CERS3: variants seen among roughly 807,000 people sequenced by gnomAD.
CERS3 encodes ceramide synthase 3, also known as LAG1 homolog, ceramide synthase 3.
Under a neutral mutation model 50.3 loss-of-function variants are expected in CERS3, and 33 were observed. That is an observed-to-expected ratio of 0.66 (90% CI 0.50 to 0.88). CERS3 has a LOEUF of 0.88. Among genes scored for constraint, CERS3 ranks in the 40% least tolerant of loss-of-function variants. CERS3 has a pLI of 0.00. For synonymous variants in CERS3, 176 were observed against 155.2 expected, an observed-to-expected ratio of 1.13 and a Z score of -0.99; for missense variants, 470 against 460.3, an observed-to-expected ratio of 1.02 and a Z score of -0.19.
chr15:100,449,911 T>G (rs1040441291), intron 11 of CERS3, among the ~76,000 whole-genome samples: 10 of 151,838 alleles, frequency 6.6e-5, no homozygotes, highest in African/African-American at 2.4e-4. Flanking sequence ...ACTTAAGATA[T>G]CCCTGAAAAA....
chr15:100,470,662 G>C (rs2034939248), intron 9 of CERS3, among the ~76,000 whole-genome samples: 1 of 152,192 alleles, frequency 6.6e-6, no homozygotes, highest in Non-Finnish European at 1.5e-5. Flanking sequence ...AACATACACA[G>C]AACATATTCT....
At chr15:100,527,187 C>T (rs555342972) in intron 1 of CERS3, among the ~76,000 whole-genome samples, 2 of 152,234 alleles carry the variant, frequency 1.3e-5, no homozygotes, top group South Asian at 2.1e-4. Flanking sequence ...CTCCCAGCTA[C>T]TTGGGAGGCT....
chr15:100,480,621 TC>T (rs1189431225), intron 5 of CERS3, among the ~76,000 whole-genome samples: 2 of 152,176 alleles, frequency 1.3e-5, no homozygotes, highest in African/African-American at 4.8e-5. Context: ...CTTATTTAGA[TC>T]CTGATTCAAA....
chr15:100,415,602 T>A (rs1187953978), intron 11 of CERS3, among the ~76,000 whole-genome samples: 1 of 152,224 alleles, frequency 6.6e-6, no homozygotes, highest in Non-Finnish European at 1.5e-5. Flanking sequence ...CATGGAATAC[T>A]ATGCAGTTAT....
chr15:100,524,387 C>T (rs950568940), intron 1 of CERS3, among the ~76,000 whole-genome samples: 2 of 152,118 alleles, frequency 1.3e-5, no homozygotes, highest in Non-Finnish European at 2.9e-5. Context: ...AAGTTGCATA[C>T]GATTTTATAG....
Position 100,490,874 on chromosome 15 carries a change from A to C in CERS3, c.231T>G (p.Val77=). 6.2e-7 allele frequency: 1 copy of C among 1,612,306 alleles called. No individual in the cohort carries two copies. Among genetic ancestry groups the C allele is most frequent in the East Asian group, 2.2e-5 (1 of 44,712 alleles). ...SFGIKETVRK[V]TPNTVLENFF... ...AATTCTCTAAGACAGTATTTGGTGT[A>C]ACCTTTCGAACTGTCTCTTTAATGC... Residue 77 remains valine (V), a synonymous_variant, in exon 4 of 12, where the codon GTT becomes GTG. Transcript: ENST00000679737.
In CERS3 at chr15:100,465,369, G is replaced by A. The variant is rs544255530; in HGVS notation, c.845+4009C>T. On this transcript the variant is annotated intron_variant, in intron 10 of 11. Transcript: ENST00000679737. ...AGTTATAAGTTTTAGACAGAGGGTT[G>A]GGGCCAAGCTAACAACAAGGAACTA... 2.0e-5 allele frequency among the ~76,000 whole-genome samples: 3 copies of A among 152,304 alleles called. No individual in the cohort carries two copies. The East Asian group carries it at 5.8e-4, about 29-fold the overall frequency.
intron 11 of CERS3, among the ~76,000 whole-genome samples, chr15:100,411,722 A>G (rs1411905823): frequency 1.3e-5 from 2 of 152,206 alleles, no homozygotes; most frequent in Non-Finnish European, 2.9e-5. Flanking sequence ...TAGAACTACC[A>G]TACTGTTTTC....
At chr15:100,488,545 T>C (rs188387578) in intron 4 of CERS3, among the ~76,000 whole-genome samples, 54 of 152,324 alleles carry the variant, frequency 3.5e-4, no homozygotes, top group Admixed American at 3.2e-3. Flanking sequence ...TTTGTTTCTG[T>C]ATCTGCAATT....
At chr15:100,425,880 A>C (rs1257799504) in intron 11 of CERS3, 1 of 147,324 alleles carries the variant, frequency 6.8e-6, no homozygotes, top group South Asian at 2.2e-4. Flanking sequence ...GACTGGATCA[A>C]GGGGGTGGAT....
chr15:100,515,171 A>G (rs1567676405), intron 2 of CERS3, among the ~76,000 whole-genome samples: 1 of 152,252 alleles, frequency 6.6e-6, no homozygotes, highest in Non-Finnish European at 1.5e-5. Context: ...CTTGACACAG[A>G]TAATATGTGG....
At position 100,401,010 on chromosome 15, in the gene CERS3, A is replaced by AT. The variant is rs1358511154; in HGVS notation, c.*1702dup. Reference sequence around the variant, plus strand: ...ATTGTTGTGGAAAGAATTCTAAAGGATTTTTTGTTTATTTTTGTTTAGCCT... The same window carrying AT: ...ATTGTTGTGGAAAGAATTCTAAAGGATTTTTTTGTTTATTTTTGTTTAGCCT... On this transcript the variant is annotated 3_prime_UTR_variant, in exon 12 of 12. Coordinates refer to ENST00000679737, the MANE Select transcript of CERS3 (RefSeq NM_001378789.1). 8 of 152,070 alleles carry AT rather than the reference A, an allele frequency of 5.3e-5. No individual in the cohort carries two copies. The highest frequency in any genetic ancestry group is 1.9e-4 in the African/African-American group (8 of 41,412). 9.4% of individuals were successfully genotyped at this position (152,070 alleles called of 1,614,324 possible).
At chr15:100,538,977 C>T (rs994335533) in intron 1 of CERS3, among the ~76,000 whole-genome samples, 4 of 152,176 alleles carry the variant, frequency 2.6e-5, no homozygotes, top group South Asian at 4.1e-4. Flanking sequence ...CTCTTGAACA[C>T]TTTACTTTTG....
intron 3 of CERS3, among the ~76,000 whole-genome samples, chr15:100,497,874 CACACACACACACACACACACACTT>C (rs1156508972): frequency 7.5e-5 from 6 of 80,296 alleles, no homozygotes; most frequent in Admixed American, 1.4e-4. Flanking sequence ...CACACACACA[CACACACACACACACACACACACTT>C]TTTTTTTTTT....
intron 11 of CERS3, among the ~76,000 whole-genome samples, chr15:100,437,090 C>A (rs182893360): frequency 6.6e-6 from 1 of 151,814 alleles, no homozygotes; most frequent in African/African-American, 2.4e-5. Context: ...ACTACAGGTG[C>A]GCTCCACCAT....
intron 11 of CERS3, among the ~76,000 whole-genome samples, chr15:100,424,595 A>T (rs2032686087): frequency 1.3e-5 from 2 of 152,178 alleles, no homozygotes; most frequent in Non-Finnish European, 2.9e-5. Flanking sequence ...TGCTCTAGGG[A>T]TCTGTGGAAT....
chr15:100,410,187 C>T (rs1028353147), intron 11 of CERS3, among the ~76,000 whole-genome samples: 1 of 152,278 alleles, frequency 6.6e-6, no homozygotes, highest in East Asian at 1.9e-4. Context: ...GTCTCTGCCC[C>T]CAACGACTCC....
chr15:100,543,096 C>A (rs73477727), intron 1 of CERS3, among the ~76,000 whole-genome samples: 271 of 151,994 alleles, frequency 1.8e-3, no homozygotes, highest in African/African-American at 6.2e-3. Flanking sequence ...ATTTTTAGTA[C>A]AGGCAGGGTT....
At chr15:100,470,249 G>A (rs541353616) in intron 9 of CERS3, among the ~76,000 whole-genome samples, 2 of 152,080 alleles carry the variant, frequency 1.3e-5, no homozygotes, top group South Asian at 4.2e-4. Context: ...CACTCTTCTA[G>A]GGAACGTGGC....
Sources: allele counts gnomAD v4.1 joint callset (sites outside exome capture counted in the v4.1 genomes callset), GRCh38; gene constraint gnomAD v4.1.1; transcripts MANE v1.5; gene names NCBI Gene and HGNC (gene_info 2026-07-23, HGNC 2026-07-21).